Variants in ARHGAP35 observed in about 807,000 individuals in gnomAD.
ARHGAP35 encodes rho GTPase-activating protein 35.
Under a neutral mutation model 111.1 loss-of-function variants are expected in ARHGAP35, and 15 were observed. The observed-to-expected ratio is 0.13, with a 90% CI of 0.09 to 0.21. The LOEUF (loss-of-function observed/expected upper bound fraction) is 0.21, where lower values mean the gene tolerates loss of function less well. Among genes scored for constraint, ARHGAP35 ranks in the 10% least tolerant of loss-of-function variants. The pLI is 1.00. For synonymous variants in ARHGAP35, 643 were observed against 710.3 expected (o/e 0.91, Z 1.51); for missense variants, 1,262 against 1,873.0 (o/e 0.67, Z 6.02).
chr19:46,942,970 G>A (rs2056357651), intron 3 of ARHGAP35, among the ~76,000 whole-genome samples: 2 of 151,904 alleles, frequency 1.3e-5, no homozygotes, highest in Admixed American at 1.3e-4. Flanking sequence ...TAGTCACACT[G>A]CACTTGGCTT....
chr19:47,000,847 A>G lies in ARHGAP35; in HGVS notation c.*159A>G. 1 of 1,538,192 alleles carries G rather than the reference A, an allele frequency of 6.5e-7. No homozygotes were observed. The highest frequency in any genetic ancestry group is 1.4e-5 in the African/African-American group (1 of 73,156). ...AGTGGGAGCACCAGCCAATGGTACC[A>G]TCGGCTGGGCTGCCAGGTACCCTGG... On this transcript the variant is annotated 3_prime_UTR_variant, in exon 7 of 7. Transcript: ENST00000672722. This position sits in a 1 kb window ranked among gnomAD's most constrained non-coding sequence, Gnocchi z 6.9.
chr19:46,945,791 G>A lies in ARHGAP35; in HGVS notation c.3826+8383G>A, dbSNP rs1189508031. 6.6e-6 allele frequency among the ~76,000 whole-genome samples: 1 copy of A among 152,136 alleles called. No homozygotes were observed. The highest frequency in any genetic ancestry group is 2.4e-5 in the African/African-American group (1 of 41,418). ...CATGCTTTCTTTGAATAATATGTGA[G>A]GCCAGACTTCGTTCCCTGTTTCTGT... On this transcript the variant is annotated intron_variant, in intron 3 of 6. Transcript: ENST00000672722. This position sits in a 1 kb window ranked among gnomAD's most constrained non-coding sequence, Gnocchi z 4.1.
chr19:46,977,794 G>A (rs1367217732), intron 3 of ARHGAP35, among the ~76,000 whole-genome samples: 3 of 152,312 alleles, frequency 2.0e-5, no homozygotes, highest in East Asian at 1.9e-4. Flanking sequence ...TGTTTGCCAC[G>A]TGGCTCAGTT....
At chr19:46,912,616 A>G (rs2122183515) in intron 1 of ARHGAP35, among the ~76,000 whole-genome samples, 1 of 152,186 alleles carries the variant, frequency 6.6e-6, no homozygotes, top group South Asian at 2.1e-4. Context: ...TCGGCCTCCC[A>G]AAGTGTTGCG....
chr19:46,967,884 G>A (rs562988011), intron 3 of ARHGAP35, among the ~76,000 whole-genome samples: 3 of 150,898 alleles, frequency 2.0e-5, no homozygotes, highest in East Asian at 1.9e-4. Flanking sequence ...GCTCCCTGCC[G>A]TGTCTGTCAC....
At chr19:46,966,112 A>G (rs1464712778) in intron 3 of ARHGAP35, among the ~76,000 whole-genome samples, 1 of 152,218 alleles carries the variant, frequency 6.6e-6, no homozygotes. Context: ...CCAGTTTGCC[A>G]TATGTGATAT....
rs1176730731 is a variant in ARHGAP35 at position 46,920,701 on chromosome 19, G to A, written c.2026G>A (p.Glu676Lys). The A allele has an allele frequency of 6.2e-7, 1 of 1,613,882 alleles. No homozygotes were observed. Among genetic ancestry groups the A allele is most frequent in the South Asian group, 1.1e-5 (1 of 91,078 alleles). Reference protein sequence around the residue: ...NSKESLSYVVESIEKSRESTL... With the variant: ...NSKESLSYVVKSIEKSRESTL... Reference sequence around the variant, plus strand: ...AAAGGAATCGCTATCCTATGTAGTGGAAAGTATAGAGAAGAGTAGAGAGTC... The same window carrying A: ...AAAGGAATCGCTATCCTATGTAGTGAAAAGTATAGAGAAGAGTAGAGAGTC... The change falls in exon 2 of 7, where the codon GAA becomes AAA. Residue 676 changes from glutamate (E) to lysine (K), a missense_variant. This residue lies in a region of ARHGAP35 where 579 missense variants were observed against 716.9 expected (regional missense o/e 0.81). Coordinates refer to ENST00000672722, the MANE Select transcript of ARHGAP35 (RefSeq NM_004491.5). This position sits in a 1 kb window ranked among gnomAD's most constrained non-coding sequence, Gnocchi z 7.0.
intron 1 of ARHGAP35, among the ~76,000 whole-genome samples, chr19:46,889,534 C>T (rs574257900): frequency 1.3e-5 from 2 of 152,040 alleles, no homozygotes; most frequent in East Asian, 1.9e-4. Context: ...AAATGTGCAC[C>T]GCCTTAGGTG....
intron 1 of ARHGAP35, among the ~76,000 whole-genome samples, chr19:46,914,789 G>T (rs983782048): frequency 6.6e-6 from 1 of 152,172 alleles, no homozygotes; most frequent in Non-Finnish European, 1.5e-5. Context: ...AGGTTTGAGA[G>T]CAGGCTGGTG....
At chr19:46,878,344 A>G (rs1311025229) in intron 1 of ARHGAP35, among the ~76,000 whole-genome samples, 1 of 151,396 alleles carries the variant, frequency 6.6e-6, no homozygotes, top group Non-Finnish European at 1.5e-5. Context: ...TTTTTGAGAG[A>G]GACTCTCACT....
Position 46,951,346 on chromosome 19 carries a change from G to A in ARHGAP35, c.3826+13938G>A, listed in dbSNP as rs1390823766. 3.9e-5 allele frequency among the ~76,000 whole-genome samples: 6 copies of A among 152,212 alleles called. No homozygotes were observed. The South Asian group carries it at 8.3e-4, about 21-fold the overall frequency. Reference sequence around the variant, plus strand: ...GGAAAGTACAGAATGCAGCTGTACCGAAAGGAACTGTGGGACGTGCCCAGA... The same window carrying A: ...GGAAAGTACAGAATGCAGCTGTACCAAAAGGAACTGTGGGACGTGCCCAGA... On this transcript the variant is annotated intron_variant, in intron 3 of 6. Transcript: ENST00000672722.
At chr19:46,938,857 CA>C (rs1300557528) in intron 3 of ARHGAP35, among the ~76,000 whole-genome samples, 1 of 151,662 alleles carries the variant, frequency 6.6e-6, no homozygotes, top group East Asian at 1.9e-4. Context: ...AGGGTTTCAC[CA>C]CATTGGTCAG....
chr19:46,995,928 C>T lies in ARHGAP35; in HGVS notation c.4037-3376C>T, dbSNP rs141111332. Among the ~76,000 whole-genome samples the T allele has an allele frequency of 9.2e-5, 14 of 152,312 alleles. No individual in the cohort carries two copies. The East Asian group carries it at 2.7e-3, about 29-fold the overall frequency. On this transcript the variant is annotated intron_variant, in intron 5 of 6. Coordinates refer to ENST00000672722, the MANE Select transcript of ARHGAP35 (RefSeq NM_004491.5). ...AGACTTGAGCAGAAGGGCCTCTCGC[C>T]CTCCTTGACCTCTGCCCAGCGAGCT...
chr19:46,907,644 A>G (rs1186644536), intron 1 of ARHGAP35, among the ~76,000 whole-genome samples: 1 of 140,242 alleles, frequency 7.1e-6, no homozygotes, highest in Non-Finnish European at 1.6e-5. Flanking sequence ...ATGACCGGCT[A>G]ATTTTTTTAT....
At chr19:46,889,295 C>T (rs571062594) in intron 1 of ARHGAP35, among the ~76,000 whole-genome samples, 2 of 151,940 alleles carry the variant, frequency 1.3e-5, no homozygotes, top group Non-Finnish European at 2.9e-5. Context: ...GAAACCCTGT[C>T]TCTACTAAAA....
At position 46,950,058 on chromosome 19, in the gene ARHGAP35, G is replaced by A. The variant is rs540644085; in HGVS notation, c.3826+12650G>A. Among the ~76,000 whole-genome samples the A allele has an allele frequency of 8.1e-4, 123 of 152,232 alleles. 1 individual carries two copies. The highest frequency in any genetic ancestry group is 2.7e-3 in the African/African-American group (111 of 41,524). On this transcript the variant is annotated intron_variant, in intron 3 of 6. Coordinates refer to ENST00000672722, the MANE Select transcript of ARHGAP35 (RefSeq NM_004491.5). Reference sequence around the variant, plus strand: ...AGACGGCCACCCCCAAAGGCCCCTCGTCATTTCATCCCTCAACAAAGGATA... The same window carrying A: ...AGACGGCCACCCCCAAAGGCCCCTCATCATTTCATCCCTCAACAAAGGATA...
At chr19:46,915,962 G>T (rs2056160533) in intron 1 of ARHGAP35, among the ~76,000 whole-genome samples, 1 of 135,540 alleles carries the variant, frequency 7.4e-6, no homozygotes, top group South Asian at 2.4e-4. Flanking sequence ...TTAAGATGGA[G>T]TCTCGCTCTG....
intron 1 of ARHGAP35, among the ~76,000 whole-genome samples, chr19:46,916,444 A>C (rs1476032605): frequency 6.6e-6 from 1 of 151,250 alleles, no homozygotes; most frequent in Non-Finnish European, 1.5e-5. Context: ...AACTTCCTAC[A>C]GAAAGGCTTT....
At chr19:46,951,585 G>T (rs1399776143) in intron 3 of ARHGAP35, among the ~76,000 whole-genome samples, 1 of 152,118 alleles carries the variant, frequency 6.6e-6, no homozygotes, top group African/African-American at 2.4e-5. Context: ...CATAAAATGG[G>T]GATAATGATG....
Sources: gnomAD v4.1 joint callset for allele counts (sites outside exome capture counted in the v4.1 genomes callset) on GRCh38, gnomAD v4.1.1 for gene constraint, gnomAD v4.1.1 regional missense constraint, Gnocchi (gnomAD v3.1) non-coding constraint, MANE v1.5 for transcripts, NCBI Gene and HGNC (gene_info 2026-07-23, HGNC 2026-07-21) for gene names.